RASSF8: variants seen among roughly 807,000 people sequenced by gnomAD.
RASSF8 encodes the protein ras association domain-containing protein 8.
In RASSF8, 22 loss-of-function variants were observed where a neutral mutation model predicts 48.5. The ratio of observed to expected loss-of-function variants is 0.45; its 90% confidence interval spans 0.32 to 0.65. RASSF8 has a LOEUF of 0.65. Among genes scored for constraint, RASSF8 ranks in the 30% least tolerant of loss-of-function variants. RASSF8 has a pLI of 0.03. For synonymous variants in RASSF8, 127 were observed against 171.5 expected, an observed-to-expected ratio of 0.74 and a Z score of 2.03; for missense variants, 418 against 489.2, an observed-to-expected ratio of 0.85 and a Z score of 1.37.
At chr12:26,008,917 G>A (rs1419312250) in intron 2 of RASSF8, among the ~76,000 whole-genome samples, 1 of 152,102 alleles carries the variant, frequency 6.6e-6, no homozygotes, top group African/African-American at 2.4e-5. Flanking sequence ...TGCATAGCCA[G>A]TAGATAAAGC....
At chr12:26,003,979 C>G (rs571465569) in intron 2 of RASSF8, among the ~76,000 whole-genome samples, 2 of 152,120 alleles carry the variant, frequency 1.3e-5, no homozygotes, top group East Asian at 3.9e-4. Flanking sequence ...GAGTTTGAGA[C>G]CAGACAGGGC....
At chr12:25,958,622 A>G (rs893386742), upstream of RASSF8, 14 of 145,544 alleles carry the variant, frequency 9.6e-5, no homozygotes, top group African/African-American at 3.2e-4. Context: ...GAAGGGGCGG[A>G]GCCGCCTGGC....
Position 26,072,490 on chromosome 12 carries a change from A to G in RASSF8, c.*3672A>G. Reference sequence around the variant, plus strand: ...CTATTTCGTATACTAATTATATTAAACCAGCAGAAATATAAAGGCAATAAA... The same window carrying G: ...CTATTTCGTATACTAATTATATTAAGCCAGCAGAAATATAAAGGCAATAAA... On this transcript the variant is annotated 3_prime_UTR_variant, in exon 6 of 6. Coordinates refer to ENST00000689635, the MANE Select transcript of RASSF8 (RefSeq NM_001394098.1). 1.0e-6 allele frequency: 1 copy of G among 965,284 alleles called. No individual in the cohort carries two copies. Among genetic ancestry groups the G allele is most frequent in the Non-Finnish European group, 1.2e-6 (1 of 811,648 alleles). 59.8% of individuals were successfully genotyped at this position (965,284 alleles called of 1,614,324 possible).
intron 2 of RASSF8, among the ~76,000 whole-genome samples, chr12:26,031,748 T>G: frequency 6.6e-6 from 1 of 152,026 alleles, no homozygotes; most frequent in East Asian, 1.9e-4. Context: ...ATGGGAGAAC[T>G]TGAGAAAAAG....
chr12:25,998,511 G>A (rs1187915811), intron 2 of RASSF8, among the ~76,000 whole-genome samples: 1 of 151,974 alleles, frequency 6.6e-6, no homozygotes, highest in Non-Finnish European at 1.5e-5. Context: ...CACCACTCCT[G>A]GCTAATTTTG....
intron 5 of RASSF8, chr12:26,078,965 G>A (rs4963952): frequency 0.8 from 1,150,155 of 1,445,038 alleles, 458,237 homozygotes; most frequent in African/African-American, 0.86. Context: ...TCATGATTAT[G>A]TATACAAAAA....
intron 3 of RASSF8, among the ~76,000 whole-genome samples, chr12:26,060,478 C>CT (rs1425839070): frequency 2.6e-5 from 4 of 152,124 alleles, no homozygotes; most frequent in South Asian, 2.1e-4. Flanking sequence ...ACTTAAAATT[C>CT]TTTAAGCTTT....
chr12:26,025,478 C>T (rs1220604763), intron 2 of RASSF8, among the ~76,000 whole-genome samples: 4 of 149,382 alleles, frequency 2.7e-5, no homozygotes, highest in East Asian at 2.0e-4. Context: ...AGGAGAATGG[C>T]GTGAACCCGG....
intron 2 of RASSF8, among the ~76,000 whole-genome samples, chr12:26,019,823 A>T (rs987320825): frequency 2.0e-5 from 3 of 152,102 alleles, no homozygotes; most frequent in South Asian, 4.1e-4. Context: ...TTAATGCTGT[A>T]TTTTAAACTG....
At chr12:26,035,050 G>A (rs936174040) in intron 2 of RASSF8, among the ~76,000 whole-genome samples, 6 of 151,954 alleles carry the variant, frequency 3.9e-5, no homozygotes, top group South Asian at 2.1e-4. Flanking sequence ...TTTAATAGAC[G>A]TTTTTCCAGT....
At chr12:25,986,274 A>G (rs948215085) in intron 1 of RASSF8, among the ~76,000 whole-genome samples, 51 of 152,184 alleles carry the variant, frequency 3.4e-4, no homozygotes, top group African/African-American at 9.9e-4. Context: ...GAAACCTGCC[A>G]GTGACAATTT....
In RASSF8 at chr12:26,067,678, T is replaced by G. The variant is rs1262249224; in HGVS notation, c.1103T>G (p.Ile368Ser). The G allele has an allele frequency of 1.2e-6, 2 of 1,614,116 alleles. No individual in the cohort carries two copies. Among genetic ancestry groups the G allele is most frequent in the Middle Eastern group, 1.6e-4 (1 of 6,062 alleles). The change falls in exon 5 of 6, where the codon ATT (isoleucine) becomes AGT (serine). Residue 368 changes from isoleucine to serine, a missense_variant. Physicochemically the swap from Ile to Ser is moderately radical, Grantham distance 142. Coordinates refer to ENST00000689635, the MANE Select transcript of RASSF8 (RefSeq NM_001394098.1). ...TKVTVLPAEP[I>S]EIEASHADIE... The stretch of plus-strand genomic sequence containing the variant: ...GTTACCGTTTTGCCAGCGGAGCCCA[T>G]TGAAATAGAGGCCTCACATGCAGAC...
intron 2 of RASSF8, among the ~76,000 whole-genome samples, chr12:26,015,202 G>A (rs1265139981): frequency 2.3e-5 from 3 of 130,362 alleles, no homozygotes; most frequent in African/African-American, 5.3e-5. Flanking sequence ...ATGAGATCCC[G>A]TCTCAAAAAA....
upstream of RASSF8, chr12:25,958,653 G>A (rs1183930691): frequency 6.9e-6 from 1 of 144,970 alleles, no homozygotes; most frequent in Non-Finnish European, 1.5e-5. Context: ...GGCCCGGCCC[G>A]GCCCGGCCCC....
chr12:25,978,645 T>A (rs1195110526), intron 1 of RASSF8, among the ~76,000 whole-genome samples: 3 of 152,142 alleles, frequency 2.0e-5, no homozygotes, highest in African/African-American at 7.2e-5. Context: ...AAATATATGC[T>A]AGTAAATAGA....
At chr12:26,021,474 A>G (rs1382866927) in intron 2 of RASSF8, 1 of 152,284 alleles carries the variant, frequency 6.6e-6, no homozygotes, top group Non-Finnish European at 1.5e-5. Flanking sequence ...AACTGCTAGC[A>G]TTTATCATCC....
At chr12:25,987,013 G>A (rs60985117) in intron 1 of RASSF8, among the ~76,000 whole-genome samples, 5,497 of 150,984 alleles carry the variant, frequency 0.036, 321 homozygotes, top group African/African-American at 0.13. Context: ...TCAGCTCACC[G>A]CAACCTCGCC....
chr12:26,002,625 A>G (rs996670981), intron 2 of RASSF8, among the ~76,000 whole-genome samples: 1 of 152,174 alleles, frequency 6.6e-6, no homozygotes, highest in African/African-American at 2.4e-5. Context: ...ATAGAAAAAA[A>G]TTAGCCAAGC....
intron 2 of RASSF8, among the ~76,000 whole-genome samples, chr12:26,036,251 A>G (rs1943148228): frequency 6.6e-6 from 1 of 151,886 alleles, no homozygotes; most frequent in Non-Finnish European, 1.5e-5. Context: ...TCATATCTTT[A>G]TAATTGGAGG....
Sources: gnomAD v4.1 joint callset for allele counts (sites outside exome capture counted in the v4.1 genomes callset) on GRCh38, gnomAD v4.1.1 for gene constraint, MANE v1.5 for transcripts, NCBI Gene and HGNC (gene_info 2026-07-23, HGNC 2026-07-21) for gene names.